The following ERC1 variants were observed in gnomAD, a reference collection of about 807,000 sequenced individuals.
The protein encoded by ERC1 is ELKS/RAB6-interacting/CAST family member 1, also known as RAB6 interacting protein 2.
A neutral mutation model predicts 132.0 loss-of-function variants in ERC1; 56 were observed. The ratio of observed to expected loss-of-function variants is 0.42; its 90% confidence interval spans 0.34 to 0.53. ERC1 has a LOEUF of 0.53. Among genes scored for constraint, ERC1 ranks in the 20% least tolerant of loss-of-function variants. The pLI is 0.03. For missense variants in ERC1, 1,202 were observed against 1,349.9 expected (o/e 0.89, Z 1.72); for synonymous variants, 478 against 476.1 (o/e 1.00, Z -0.05).
chr12:1,292,029 A>C (rs1245499270), intron 15 of ERC1, among the ~76,000 whole-genome samples: 1 of 152,214 alleles, frequency 6.6e-6, no homozygotes, highest in Non-Finnish European at 1.5e-5. Context: ...TAATAAAATA[A>C]CAACTGTAAT....
intron 12 of ERC1, among the ~76,000 whole-genome samples, chr12:1,220,228 G>A (rs1038353736): frequency 6.6e-6 from 1 of 151,816 alleles, no homozygotes; most frequent in Non-Finnish European, 1.5e-5. Flanking sequence ...TTTTTTCTTA[G>A]CACATGTCAC....
At chr12:1,190,307 T>A (rs1955584278) in intron 12 of ERC1, 1 of 547,102 alleles carries the variant, frequency 1.8e-6, no homozygotes, top group Non-Finnish European at 3.4e-6. Flanking sequence ...AGAGTATTCA[T>A]TAATTTAAAA....
At chr12:1,373,293 T>C (rs560957292) in intron 16 of ERC1, among the ~76,000 whole-genome samples, 1 of 152,296 alleles carries the variant, frequency 6.6e-6, no homozygotes, top group African/African-American at 2.4e-5. Flanking sequence ...GCTGTGGGAG[T>C]TTATATATTC....
intron 14 of ERC1, among the ~76,000 whole-genome samples, chr12:1,287,596 A>T (rs2079127031): frequency 6.6e-6 from 1 of 152,236 alleles, no homozygotes. Context: ...CCTCTGCCTG[A>T]CTGCCTTCGA....
chr12:1,271,315 T>C (rs1471328444), intron 14 of ERC1, among the ~76,000 whole-genome samples: 1 of 152,108 alleles, frequency 6.6e-6, no homozygotes, highest in Non-Finnish European at 1.5e-5. Context: ...AATAGATAGA[T>C]TTAAAACGTC....
At chr12:1,111,848 C>T (rs949547508) in intron 5 of ERC1, among the ~76,000 whole-genome samples, 2 of 152,048 alleles carry the variant, frequency 1.3e-5, no homozygotes, top group African/African-American at 4.8e-5. Flanking sequence ...CTCAAGTGAT[C>T]CTCCTGCCTT....
chr12:1,241,847 CTTTTTTTTTT>C (rs57016547), intron 13 of ERC1, among the ~76,000 whole-genome samples: 8 of 80,512 alleles, frequency 9.9e-5, no homozygotes, highest in East Asian at 3.7e-4. Context: ...TCTTCTTCTT[CTTTTTTTTTT>C]TTTTTTTTTT....
intron 13 of ERC1, among the ~76,000 whole-genome samples, chr12:1,246,624 T>C (rs2076174992): frequency 1.3e-5 from 2 of 152,200 alleles, no homozygotes; most frequent in South Asian, 4.1e-4. Flanking sequence ...AGACTAACTT[T>C]TCAGTGAAGA....
intron 17 of ERC1, among the ~76,000 whole-genome samples, chr12:1,432,066 G>A (rs963308923): frequency 1.3e-5 from 2 of 152,096 alleles, no homozygotes; most frequent in African/African-American, 2.4e-5. Context: ...TTTTTGTAGA[G>A]TTGAGTCTCT....
At chr12:1,076,941 A>G (rs1941448186) in intron 2 of ERC1, among the ~76,000 whole-genome samples, 1 of 152,248 alleles carries the variant, frequency 6.6e-6, no homozygotes, top group African/African-American at 2.4e-5. Context: ...GTGGATAAGC[A>G]TACAGCCCTG....
At chr12:1,072,099 TC>T (rs1940488422) in intron 2 of ERC1, among the ~76,000 whole-genome samples, 1 of 117,914 alleles carries the variant, frequency 8.5e-6, no homozygotes, top group African/African-American at 3.1e-5. Flanking sequence ...AGACTCTGTC[TC>T]AAAAAAAAAA....
At chr12:1,147,691 T>C (rs1425870773) in intron 8 of ERC1, among the ~76,000 whole-genome samples, 1 of 152,208 alleles carries the variant, frequency 6.6e-6, no homozygotes, top group Non-Finnish European at 1.5e-5. Context: ...AAAATACGAA[T>C]TTTTAAAATT....
At chr12:1,305,577 TCTC>T (rs953927117) in intron 15 of ERC1, among the ~76,000 whole-genome samples, 13 of 152,198 alleles carry the variant, frequency 8.5e-5, no homozygotes, top group African/African-American at 2.2e-4. Context: ...TATTAGCACT[TCTC>T]CTGCTTTGGC....
chr12:1,424,357 T>C (rs1228154960), intron 17 of ERC1, among the ~76,000 whole-genome samples: 2 of 152,208 alleles, frequency 1.3e-5, no homozygotes, highest in East Asian at 3.8e-4. Context: ...CGACACCTTA[T>C]GACCTTTGGC....
At chr12:1,403,263 C>G (rs1424125714) in intron 16 of ERC1, among the ~76,000 whole-genome samples, 1 of 152,064 alleles carries the variant, frequency 6.6e-6, no homozygotes, top group Non-Finnish European at 1.5e-5. Flanking sequence ...TCGTTGGGAC[C>G]AGGGGTTTCA....
chr12:1,241,847 C>CTTTTTTTTTTTTTTTTTTTTTTTT (rs57016547), intron 13 of ERC1, among the ~76,000 whole-genome samples: 11 of 80,490 alleles, frequency 1.4e-4, no homozygotes, highest in African/African-American at 2.1e-4. Context: ...TCTTCTTCTT[C>CTTTTTTTTTTTTTTTTTTTTTTTT]TTTTTTTTTT....
intron 8 of ERC1, among the ~76,000 whole-genome samples, chr12:1,163,614 G>C (rs1287740729): frequency 6.6e-6 from 1 of 152,226 alleles, no homozygotes; most frequent in Non-Finnish European, 1.5e-5. Context: ...TCACCTGGAA[G>C]TGTCTATGAT....
intron 6 of ERC1, among the ~76,000 whole-genome samples, chr12:1,113,775 G>A (rs952289720): frequency 3.3e-5 from 5 of 152,118 alleles, no homozygotes; most frequent in Non-Finnish European, 7.4e-5. Context: ...CACATTTCAC[G>A]CTTTATTTTA....
chr12:1,205,818 T>G (rs190405346), intron 12 of ERC1, among the ~76,000 whole-genome samples: 34 of 152,260 alleles, frequency 2.2e-4, no homozygotes, highest in African/African-American at 7.7e-4. Context: ...CATCTCTAAC[T>G]TAAGCTTCAA....
Sources: gnomAD v4.1 joint callset for allele counts (sites outside exome capture counted in the v4.1 genomes callset) on GRCh38, gnomAD v4.1.1 for gene constraint, MANE v1.5 for transcripts, NCBI Gene and HGNC (gene_info 2026-07-23, HGNC 2026-07-21) for gene names.